GTF3A: variants seen among roughly 807,000 people sequenced by gnomAD.
The protein encoded by GTF3A is transcription factor IIIA.
GTF3A carries 40 observed loss-of-function variants against 37.6 expected under a neutral mutation model. The observed-to-expected ratio is 1.06, with a 90% confidence interval of 0.83 to 1.38. The LOEUF (loss-of-function observed/expected upper bound fraction) is 1.38. Ranked by LOEUF, GTF3A falls within the 40% of genes most tolerant of loss-of-function variation. GTF3A has a pLI of 0.00. For missense variants in GTF3A, 500 were observed against 462.6 expected (o/e 1.08, Z -0.74); for synonymous variants, 191 against 166.7 (o/e 1.15, Z -1.12).
At position 27,434,184 on chromosome 13, in the gene GTF3A, C is replaced by T. The variant is rs1953686169; in HGVS notation, c.608C>T (p.Thr203Met). The change falls in exon 6 of 9, where the codon ACG becomes ATG. Residue 203 changes from threonine (T) to methionine (M), a missense_variant. By Grantham distance (81) the Thr-to-Met change is moderately conservative. Transcript: ENST00000381140. ...TGTTCCTTTGTGGCAAAAACATGGA[C>T]GGAACTTCTGAAACATGTGAGAGAA... 7.8e-6 allele frequency: 11 copies of T among 1,416,818 alleles called. No individual in the cohort carries two copies. Among genetic ancestry groups the T allele is most frequent in the Non-Finnish European group, 1.0e-5 (10 of 1,000,114 alleles). 87.8% of individuals were successfully genotyped at this position (1,416,818 alleles called of 1,614,324 possible). A position where few individuals can be genotyped will look rare whatever the true frequency, so the allele number is the denominator to read the frequency against.
rs1327116664 is a variant in GTF3A at position 27,434,162 on chromosome 13, T to A, written c.586T>A (p.Ser196Thr). The A allele has an allele frequency of 7.2e-7, 1 of 1,395,846 alleles. No homozygotes were observed. Among genetic ancestry groups the A allele is most frequent in the East Asian group, 2.3e-5 (1 of 43,858 alleles). 86.5% of individuals were successfully genotyped at this position (1,395,846 alleles called of 1,614,324 possible). Reference sequence around the variant, plus strand: ...AGGCTATGTATGTCAAAAAGGATGTTCCTTTGTGGCAAAAACATGGACGGA... The same window carrying A: ...AGGCTATGTATGTCAAAAAGGATGTACCTTTGTGGCAAAAACATGGACGGA... The change falls in exon 6 of 9, where the codon TCC (serine) becomes ACC (threonine). Residue 196 changes from serine to threonine, a missense_variant. Coordinates refer to ENST00000381140, the MANE Select transcript of GTF3A (RefSeq NM_002097.3).
chr13:27,434,382 T>TGTGC (rs1468288381), intron 6 of GTF3A, among the ~76,000 whole-genome samples, 163 bp downstream of exon 6: 1 of 152,238 alleles, frequency 6.6e-6, no homozygotes, highest in Non-Finnish European at 1.5e-5. Flanking sequence ...TGAGCAGAGC[T>TGTGC]GTGCCAGGTC....
At position 27,435,164 on chromosome 13, in the gene GTF3A, A is replaced by G. The variant is rs1953699350; in HGVS notation, c.905A>G (p.Asp302Gly). ...CTCACTAGGCATGCTGTTGTACATGATCCTGACAAGAAGAAAATGAAGCTC... is the reference window on the plus strand; with the variant it reads ...CTCACTAGGCATGCTGTTGTACATGGTCCTGACAAGAAGAAAATGAAGCTC... Residue 302 changes from aspartate to glycine, a missense_variant, in exon 8 of 9, where the codon GAT becomes GGT. Coordinates refer to ENST00000381140, the MANE Select transcript of GTF3A (RefSeq NM_002097.3). The G allele has an allele frequency of 4.4e-6, 7 of 1,600,840 alleles. No homozygotes were observed. The highest frequency in any genetic ancestry group is 1.8e-5 in the Admixed American group (1 of 55,850).
In GTF3A at chr13:27,434,165, T is replaced by C; in HGVS notation, c.589T>C (p.Phe197Leu). 1 of 1,411,596 alleles carries C rather than the reference T, an allele frequency of 7.1e-7. No homozygotes were observed. The highest frequency in any genetic ancestry group is 1.7e-5 in the Admixed American group (1 of 59,814). The allele number at this position is 1,411,596 out of a possible 1,614,324, so 87.4% of individuals were successfully genotyped here. Residue 197 changes from phenylalanine to leucine, a missense_variant, in exon 6 of 9, where the codon TTT becomes CTT. By Grantham distance (22) the Phe-to-Leu change is conservative (BLOSUM62 0). Coordinates refer to ENST00000381140, the MANE Select transcript of GTF3A (RefSeq NM_002097.3). ...CTATGTATGTCAAAAAGGATGTTCC[T>C]TTGTGGCAAAAACATGGACGGAACT... is the stretch of plus-strand genomic sequence containing the variant.
rs950651112 is a variant in GTF3A at position 27,434,974 on chromosome 13, T to C, written c.813T>C (p.His271=). ...TCCAAAGCCATATCCTCTCCTTCCA[T>C]GAGGAAAGCCGCCCTTTTGTGTGTG... Residue 271 remains histidine (H), a synonymous_variant, in exon 7 of 9, where the codon CAT becomes CAC. Transcript: ENST00000381140. 1 of 1,612,080 alleles carries C rather than the reference T, an allele frequency of 6.2e-7. No individual in the cohort carries two copies. Among genetic ancestry groups the C allele is most frequent in the African/African-American group, 1.3e-5 (1 of 74,902 alleles).
In GTF3A at chr13:27,434,217, A is replaced by G; in HGVS notation, c.641A>G (p.Lys214Arg). ...CTGAAACATGTGAGAGAAACCCATA[A>G]AGGTAAGGCAGGCATGAATGGCAGG... The change falls in exon 6 of 9, where the codon AAA becomes AGA. Residue 214 changes from lysine (K) to arginine (R), a missense_variant and splice_region_variant. Lys to Arg is a conservative substitution (Grantham distance 26). Transcript: ENST00000381140. 3 of 1,181,520 alleles carry G rather than the reference A, an allele frequency of 2.5e-6. No individual in the cohort carries two copies. The highest frequency in any genetic ancestry group is 3.8e-6 in the Non-Finnish European group (3 of 784,690). The allele number at this position is 1,181,520 out of a possible 1,614,324, so 73.2% of individuals were successfully genotyped here.
intron 2 of GTF3A, among the ~76,000 whole-genome samples, chr13:27,428,497 C>A (rs1198271084): frequency 6.6e-6 from 1 of 152,202 alleles, no homozygotes; most frequent in African/African-American, 2.4e-5. Context: ...CAATGACCTG[C>A]GTGATTTAGC....
chr13:27,432,239 C>T (rs909462620), intron 4 of GTF3A, among the ~76,000 whole-genome samples: 3 of 152,174 alleles, frequency 2.0e-5, no homozygotes, highest in Non-Finnish European at 4.4e-5. Context: ...CCTGTCCTTG[C>T]TTGTGGGTCT....
At chr13:27,433,299 TCCCAGG>T (rs1566077053) in intron 5 of GTF3A, among the ~76,000 whole-genome samples, 15 of 147,976 alleles carry the variant, frequency 1.0e-4, no homozygotes, top group African/African-American at 3.2e-4. Flanking sequence ...TATTTCAATT[TCCCAGG>T]TCCTAGAATT....
chr13:27,433,306 TCCTAGAA>T (rs1428100408), intron 5 of GTF3A, among the ~76,000 whole-genome samples: 14 of 140,460 alleles, frequency 1.0e-4, no homozygotes, highest in African/African-American at 3.1e-4. Context: ...ATTTCCCAGG[TCCTAGAA>T]TTTATGATTT....
At chr13:27,426,946 G>A (rs774601690) in intron 1 of GTF3A, 146 bp from the exon 2 acceptor site, 43 of 578,608 alleles carry the variant, frequency 7.4e-5, no homozygotes, top group Non-Finnish European at 1.2e-4. Flanking sequence ...GGAACACTGC[G>A]TCTTGCAGTG....
chr13:27,429,951 A>G lies in GTF3A; in HGVS notation c.384A>G (p.Gln128=). 2 of 1,514,658 alleles carry G rather than the reference A, an allele frequency of 1.3e-6. No individual in the cohort carries two copies. The highest frequency in any genetic ancestry group is 8.9e-7 in the Non-Finnish European group (1 of 1,123,544). 93.8% of individuals were successfully genotyped at this position (1,514,658 alleles called of 1,614,324 possible). Residue 128 remains glutamine, a synonymous_variant, in exon 3 of 9, where the codon CAA becomes CAG. Coordinates refer to ENST00000381140, the MANE Select transcript of GTF3A (RefSeq NM_002097.3). ...ATTTTGAACGCAAACATGAAAATCA[A>G]CAAAAACAATATATAGTAAGTATGA...
chr13:27,434,498 G>A (rs1215908074), intron 6 of GTF3A, among the ~76,000 whole-genome samples: 5 of 150,150 alleles, frequency 3.3e-5, no homozygotes, highest in African/African-American at 1.2e-4. Context: ...CTGGGAAACA[G>A]TACCCTGCAT....
intron 8 of GTF3A, 27 bp from the exon 9 acceptor site, chr13:27,435,406 A>G: frequency 1.2e-6 from 2 of 1,601,656 alleles, no homozygotes; most frequent in East Asian, 2.2e-5. Context: ...TTTGAATTCT[A>G]ATCGTGTGTC....
At chr13:27,432,524 G>A (rs533622564) in intron 4 of GTF3A, among the ~76,000 whole-genome samples, 7 of 152,156 alleles carry the variant, frequency 4.6e-5, no homozygotes, top group Non-Finnish European at 8.8e-5. Flanking sequence ...AAAAAGTAAC[G>A]TGACTTTTTT....
At chr13:27,425,690 TCACA>T (rs1566075125) in intron 1 of GTF3A, 1 of 152,242 alleles carries the variant, frequency 6.6e-6, no homozygotes, top group Non-Finnish European at 1.5e-5. Flanking sequence ...GCAGCCCATG[TCACA>T]CACAAGTGAG....
Position 27,435,782 on chromosome 13 carries a change from T to G in GTF3A, c.*185T>G. ...TTATATGCCTTCTCCTCATTTTTGC[T>G]GAAAGCACGAAGAACACACATTAAA... On this transcript the variant is annotated 3_prime_UTR_variant, in exon 9 of 9. Coordinates refer to ENST00000381140, the MANE Select transcript of GTF3A (RefSeq NM_002097.3). 4 of 1,614,160 alleles carry G rather than the reference T, an allele frequency of 2.5e-6. No individual in the cohort carries two copies. The highest frequency in any genetic ancestry group is 3.4e-6 in the Non-Finnish European group (4 of 1,180,002).
At chr13:27,426,370 T>C (rs2760901) in intron 1 of GTF3A, 1 of 152,134 alleles carries the variant, frequency 6.6e-6, no homozygotes, top group Non-Finnish European at 1.5e-5. Flanking sequence ...TCCTGTTTGC[T>C]TGTTTTGCTC....
chr13:27,429,967 G>C lies in GTF3A; in HGVS notation c.399+1G>C. 1 of 1,439,540 alleles carries C rather than the reference G, an allele frequency of 6.9e-7. No homozygotes were observed. Among genetic ancestry groups the C allele is most frequent in the Middle Eastern group, 1.8e-4 (1 of 5,570 alleles). 89.2% of individuals were successfully genotyped at this position (1,439,540 alleles called of 1,614,324 possible). A position where few individuals can be genotyped will look rare whatever the true frequency, so the allele number is the denominator to read the frequency against. On this transcript the variant is annotated splice_donor_variant, in intron 3 of 8. Coordinates refer to ENST00000381140, the MANE Select transcript of GTF3A (RefSeq NM_002097.3). LOFTEE classifies it high-confidence loss of function. ...TGAAAATCAACAAAAACAATATATA[G>C]TAAGTATGATTTTATATGCTTAAAT...
Sources: allele counts gnomAD v4.1 joint callset (sites outside exome capture counted in the v4.1 genomes callset), GRCh38; gene constraint gnomAD v4.1.1; transcripts MANE v1.5; gene names NCBI Gene and HGNC (gene_info 2026-07-23, HGNC 2026-07-21).